BBOF1: variants seen among roughly 807,000 people sequenced by gnomAD.
BBOF1 encodes the protein basal body orientation factor 1.
In BBOF1, 62 loss-of-function variants were observed where a neutral mutation model predicts 68.0. That is an observed-to-expected ratio of 0.91 (90% confidence interval 0.74 to 1.13). The LOEUF (loss-of-function observed/expected upper bound fraction) is 1.13. Among genes scored for constraint, BBOF1 ranks in the 50% most tolerant of loss-of-function variants. The probability of loss-of-function intolerance (pLI) is 0.00; values close to 1 mark genes in which losing one functional copy is unlikely to be tolerated. For synonymous variants in BBOF1, 208 were observed against 198.8 expected, an observed-to-expected ratio of 1.05 and a Z score of -0.39; for missense variants, 534 against 600.1, an observed-to-expected ratio of 0.89 and a Z score of 1.15.
chr14:74,060,563 G>A, intron 11 of BBOF1: 3 of 1,063,026 alleles, frequency 2.8e-6, no homozygotes, highest in South Asian at 2.5e-5. Context: ...GATCTGATCT[G>A]AGCAAAGCTG....
intron 2 of BBOF1, among the ~76,000 whole-genome samples, chr14:74,027,385 C>CTTTTTTTTTTTTTTTTTTTTTTT (rs35107293): frequency 1.6e-5 from 1 of 61,072 alleles, no homozygotes. Flanking sequence ...CCTCGCCCAG[C>CTTTTTTTTTTTTTTTTTTTTTTT]TTTTTTTTTT....
At chr14:74,027,367 A>C (rs1422590739) in intron 2 of BBOF1, among the ~76,000 whole-genome samples, 1 of 140,912 alleles carries the variant, frequency 7.1e-6, no homozygotes, top group Non-Finnish European at 1.5e-5. Context: ...GATTACAGCC[A>C]TGAGCCACCT....
chr14:74,082,389 C>T lies in BBOF1; in HGVS notation n.1640-399C>T, dbSNP rs1322489202. 1.6e-4 allele frequency among the ~76,000 whole-genome samples: 22 copies of T among 135,326 alleles called. 1 individual carries two copies. Among genetic ancestry groups the T allele is most frequent in the Non-Finnish European group, 6.1e-5 (4 of 65,064 alleles). 88.8% of individuals were successfully genotyped at this position (135,326 alleles called of 152,430 possible). On this transcript the variant is annotated intron_variant and non_coding_transcript_variant, in intron 12 of 12. Transcript: ENST00000492026. ...CTCTAATATTCATGGCTGCCAAAAT[C>T]GAGGTTTTTTTTTTTTTTTTTTTTT...
At chr14:74,032,614 C>T (rs2059599261) in intron 3 of BBOF1, among the ~76,000 whole-genome samples, 1 of 151,684 alleles carries the variant, frequency 6.6e-6, no homozygotes. Flanking sequence ...CTGCCTCAGC[C>T]TCCTGAGTAG....
intron 11 of BBOF1, among the ~76,000 whole-genome samples, chr14:74,061,425 C>T (rs1309450423): frequency 6.6e-6 from 1 of 152,110 alleles, no homozygotes; most frequent in Non-Finnish European, 1.5e-5. Context: ...CCTCAGCCTT[C>T]TGAATAGCTG....
intron 10 of BBOF1, among the ~76,000 whole-genome samples, chr14:74,079,908 T>G (rs2060654578): frequency 6.6e-6 from 1 of 152,090 alleles, no homozygotes; most frequent in South Asian, 2.1e-4. Context: ...CATGGTCATG[T>G]GCACCTGTGG....
chr14:74,024,761 T>C (rs2059387601), intron 2 of BBOF1, among the ~76,000 whole-genome samples: 1 of 152,062 alleles, frequency 6.6e-6, no homozygotes, highest in African/African-American at 2.4e-5. Context: ...CCACCATGCC[T>C]GGCTGATTTT....
intron 12 of BBOF1, among the ~76,000 whole-genome samples, chr14:74,081,528 T>C (rs921397626): frequency 1.6e-4 from 25 of 152,210 alleles, no homozygotes; most frequent in African/African-American, 6.0e-4. Context: ...CTTCTATCTT[T>C]TCTTCATTTC....
chr14:74,043,165 A>C (rs1478022453), intron 5 of BBOF1, among the ~76,000 whole-genome samples: 1 of 152,064 alleles, frequency 6.6e-6, no homozygotes, highest in Non-Finnish European at 1.5e-5. Context: ...AGGATTTCCC[A>C]GATCATTGGT....
chr14:74,065,045 C>T lies in BBOF1; in HGVS notation c.*346C>T. 7.2e-7 allele frequency: 1 copy of T among 1,394,596 alleles called. No individual in the cohort carries two copies. Among genetic ancestry groups the T allele is most frequent in the Non-Finnish European group, 1.0e-6 (1 of 997,422 alleles). 86.4% of individuals were successfully genotyped at this position (1,394,596 alleles called of 1,614,324 possible). On this transcript the variant is annotated 3_prime_UTR_variant, in exon 12 of 12. Transcript: ENST00000394009. Reference sequence around the variant, plus strand: ...CCCTATCCTCTACCCCATGAACTTTCATTCCTGAGGAAGAAATGGGGCAAT... The same window carrying T: ...CCCTATCCTCTACCCCATGAACTTTTATTCCTGAGGAAGAAATGGGGCAAT...
intron 10 of BBOF1, among the ~76,000 whole-genome samples, chr14:74,080,127 G>T (rs760649463): frequency 6.6e-6 from 1 of 152,000 alleles, no homozygotes; most frequent in African/African-American, 2.4e-5. Flanking sequence ...CCCACCTCTC[G>T]GTAAATAGGG....
At chr14:74,020,603 A>G (rs1019619729) in intron 1 of BBOF1, among the ~76,000 whole-genome samples, 2 of 152,022 alleles carry the variant, frequency 1.3e-5, no homozygotes, top group Non-Finnish European at 2.9e-5. Context: ...TTCTGGGTTC[A>G]ACCAATTCTC....
intron 6 of BBOF1, 84 bp downstream of exon 6, chr14:74,046,214 C>A: frequency 7.9e-7 from 1 of 1,260,588 alleles, no homozygotes; most frequent in Non-Finnish European, 1.1e-6. Flanking sequence ...TTCTTGTCTT[C>A]CCCCTTCTGT....
At position 74,079,761 on chromosome 14, in the gene BBOF1, G is replaced by A. The variant is rs114136060; in HGVS notation, n.1537-1306G>A. 3.6e-3 allele frequency among the ~76,000 whole-genome samples: 547 copies of A among 152,260 alleles called. 4 individuals are homozygous for A. Among genetic ancestry groups the A allele is most frequent in the African/African-American group, 0.012 (515 of 41,548 alleles). Reference sequence around the variant, plus strand: ...TTTTTGTATTTTTAGTGGAGATGCGGTTTTGTCATGTTGGCCAGGCTGGTC... The same window carrying A: ...TTTTTGTATTTTTAGTGGAGATGCGATTTTGTCATGTTGGCCAGGCTGGTC... On this transcript the variant is annotated intron_variant and non_coding_transcript_variant, in intron 10 of 12. Coordinates refer to the BBOF1 transcript ENST00000492026.
chr14:74,039,301 T>C (rs995198612), intron 4 of BBOF1, among the ~76,000 whole-genome samples: 10 of 152,196 alleles, frequency 6.6e-5, no homozygotes, highest in African/African-American at 2.4e-4. Context: ...CGGAATTCCA[T>C]TGGGTAGATA....
chr14:74,051,665 C>A (rs1001212919), intron 8 of BBOF1, among the ~76,000 whole-genome samples: 3 of 151,644 alleles, frequency 2.0e-5, no homozygotes, highest in African/African-American at 7.3e-5. Context: ...TTTCTTAGAG[C>A]AGTCTCCTCC....
At chr14:74,053,643 G>C (rs1472568771) in intron 8 of BBOF1, among the ~76,000 whole-genome samples, 1 of 151,760 alleles carries the variant, frequency 6.6e-6, no homozygotes, top group African/African-American at 2.4e-5. Flanking sequence ...TTGCCCTCAA[G>C]GTATTCTCCC....
At chr14:74,052,109 TAATA>T (rs2060080631) in intron 8 of BBOF1, among the ~76,000 whole-genome samples, 1 of 151,806 alleles carries the variant, frequency 6.6e-6, no homozygotes, top group Admixed American at 6.6e-5. Flanking sequence ...CTTTTTTATT[TAATA>T]CATCAAATAA....
intron 9 of BBOF1, chr14:74,072,543 G>A: frequency 6.2e-7 from 1 of 1,614,162 alleles, no homozygotes; most frequent in Non-Finnish European, 8.5e-7. Flanking sequence ...TTACTGGGTT[G>A]TGGATATCGA....
Sources: gnomAD v4.1 joint callset for allele counts (sites outside exome capture counted in the v4.1 genomes callset) on GRCh38, gnomAD v4.1.1 for gene constraint, MANE v1.5 for transcripts, NCBI Gene and HGNC (gene_info 2026-07-23, HGNC 2026-07-21) for gene names.